SHMT1: variants seen among roughly 807,000 people sequenced by gnomAD.
SHMT1 encodes serine hydroxymethyltransferase, cytosolic.
Under a neutral mutation model 49.0 loss-of-function variants are expected in SHMT1, and 45 were observed. That is an observed-to-expected ratio of 0.92 (90% CI 0.72 to 1.18). The LOEUF (loss-of-function observed/expected upper bound fraction) is 1.18. Among genes scored for constraint, SHMT1 ranks in the 50% most tolerant of loss-of-function variants. The pLI is 0.00. For missense variants in SHMT1, 541 were observed against 612.4 expected, an observed-to-expected ratio of 0.88 and a Z score of 1.23; for synonymous variants, 232 against 246.6, an observed-to-expected ratio of 0.94 and a Z score of 0.55.
intron 1 of SHMT1, among the ~76,000 whole-genome samples, chr17:18,360,758 A>G (rs1986683449): frequency 6.6e-6 from 1 of 152,096 alleles, no homozygotes; most frequent in Non-Finnish European, 1.5e-5. Flanking sequence ...CAAAGGAGAA[A>G]GTGTGACTGG....
At chr17:18,334,044 T>C (rs993543655) in intron 8 of SHMT1, among the ~76,000 whole-genome samples, 12 of 152,156 alleles carry the variant, frequency 7.9e-5, no homozygotes, top group African/African-American at 2.9e-4. Context: ...GTTCAAGCAA[T>C]TCTCCTGCCT....
intron 1 of SHMT1, among the ~76,000 whole-genome samples, chr17:18,356,637 C>A (rs1310630853): frequency 6.6e-6 from 1 of 152,070 alleles, no homozygotes; most frequent in African/African-American, 2.4e-5. Flanking sequence ...CTGGCCGCAG[C>A]ATTATATTGA....
At position 18,340,980 on chromosome 17, in the gene SHMT1, A is replaced by C; in HGVS notation, c.520-167T>G. On this transcript the variant is annotated intron_variant, in intron 5 of 11. Coordinates refer to ENST00000316694, the MANE Select transcript of SHMT1 (RefSeq NM_004169.5). This position sits in a 1 kb window ranked among gnomAD's most constrained non-coding sequence, Gnocchi z 4.5. ...ACTGGTGTGTTCAGCCTGCTCAACC[A>C]AGTATGGCTCACAGACCCAGGAGTC... The C allele has an allele frequency of 1.5e-6, 1 of 657,052 alleles. No homozygotes were observed. Among genetic ancestry groups the C allele is most frequent in the Non-Finnish European group, 2.8e-6 (1 of 359,554 alleles). 40.7% of individuals were successfully genotyped at this position (657,052 alleles called of 1,614,324 possible). A position where few individuals can be genotyped will look rare whatever the true frequency, so the allele number is the denominator to read the frequency against.
chr17:18,348,973 A>G (rs557402773), intron 3 of SHMT1, among the ~76,000 whole-genome samples: 1 of 151,018 alleles, frequency 6.6e-6, no homozygotes, highest in Non-Finnish European at 1.5e-5. Flanking sequence ...CTCAAAAAAA[A>G]AAAAGAAAAG....
intron 7 of SHMT1, among the ~76,000 whole-genome samples, chr17:18,339,614 A>T (rs1020418824): frequency 6.6e-6 from 1 of 151,098 alleles, no homozygotes; most frequent in Non-Finnish European, 1.5e-5. Context: ...AGGCTGGAGT[A>T]CAGTGGCACA....
intron 8 of SHMT1, among the ~76,000 whole-genome samples, chr17:18,333,786 T>G (rs1400416044): frequency 1.3e-5 from 2 of 151,956 alleles, no homozygotes; most frequent in African/African-American, 4.8e-5. Flanking sequence ...TTTTTTATTT[T>G]TATATTTTTT....
chr17:18,329,340 G>C lies in SHMT1; in HGVS notation c.1220C>G (p.Ala407Gly). The C allele has an allele frequency of 6.2e-7, 1 of 1,613,060 alleles. No homozygotes were observed. The stretch of plus-strand genomic sequence containing the variant: ...TTCCAAAAGTCCACGGGACGTCAGT[G>C]CTGGGGTCCCCAGCCGCAGTCCACT... ...RPSGLRLGTP[A>G]LTSRGLLEKD... is the part of the protein sequence containing the mutation. Residue 407 changes from alanine (A) to glycine (G), a missense_variant, in exon 11 of 12, where the codon GCA becomes GGA. Coordinates refer to ENST00000316694, the MANE Select transcript of SHMT1 (RefSeq NM_004169.5).
chr17:18,339,614 A>C (rs1020418824), intron 7 of SHMT1, among the ~76,000 whole-genome samples: 1 of 151,098 alleles, frequency 6.6e-6, no homozygotes, highest in Non-Finnish European at 1.5e-5. Context: ...AGGCTGGAGT[A>C]CAGTGGCACA....
intron 8 of SHMT1, among the ~76,000 whole-genome samples, chr17:18,334,788 G>A (rs1983615471): frequency 6.6e-6 from 1 of 152,180 alleles, no homozygotes; most frequent in Admixed American, 6.5e-5. Flanking sequence ...TGGGGATGGG[G>A]TGATCCCTGC....
chr17:18,329,744 T>C (rs1598009934), intron 10 of SHMT1, among the ~76,000 whole-genome samples: 1 of 152,254 alleles, frequency 6.6e-6, no homozygotes, highest in African/African-American at 2.4e-5. Context: ...ATCTGATGAA[T>C]GTACCACCTC....
At chr17:18,352,292 GC>G (rs1220559858) in intron 3 of SHMT1, among the ~76,000 whole-genome samples, 15 of 151,778 alleles carry the variant, frequency 9.9e-5, no homozygotes, top group African/African-American at 3.6e-4. Context: ...GACTACAGGC[GC>G]CCGCCACCTT....
At chr17:18,358,218 G>A (rs1390256078) in intron 1 of SHMT1, among the ~76,000 whole-genome samples, 8 of 150,616 alleles carry the variant, frequency 5.3e-5, no homozygotes, top group East Asian at 2.0e-4. Context: ...GTGGCTGGGC[G>A]CAGTGGCTCA....
At chr17:18,359,989 T>C (rs550213316) in intron 1 of SHMT1, among the ~76,000 whole-genome samples, 11 of 151,314 alleles carry the variant, frequency 7.3e-5, no homozygotes, top group Non-Finnish European at 1.3e-4. Context: ...GGCTCACACC[T>C]GTAACCCCAG....
intron 3 of SHMT1, among the ~76,000 whole-genome samples, chr17:18,351,319 T>A (rs895018362): frequency 1.3e-5 from 2 of 150,800 alleles, no homozygotes; most frequent in Admixed American, 1.3e-4. Context: ...TTTTTTGTAT[T>A]TTTTTTTAGT....
chr17:18,340,761 C>T lies in SHMT1; in HGVS notation c.572G>A (p.Arg191His), dbSNP rs749495164. ...INYDQLEENA[R>H]LFHPKLIIAG... is the part of the protein sequence containing the mutation. ...GATGATCAGCTTCGGGTGGAAGAGG[C>T]GTGCGTTCTCCTCCAGCTGGTCATA... Residue 191 changes from arginine to histidine, a missense_variant, in exon 6 of 12, where the codon CGC (arginine) becomes CAC (histidine). By Grantham distance (29) the Arg-to-His change is conservative. Coordinates refer to ENST00000316694, the MANE Select transcript of SHMT1 (RefSeq NM_004169.5). The surrounding 1 kb of genome is among the most constrained non-coding windows in gnomAD (Gnocchi z 4.5). The T allele has an allele frequency of 3.4e-5, 55 of 1,613,112 alleles. No homozygotes were observed. Among genetic ancestry groups the T allele is most frequent in the Non-Finnish European group, 4.1e-5 (48 of 1,179,724 alleles).
At chr17:18,335,719 CCT>C (rs769014527) in intron 7 of SHMT1, 44 bp from the exon 8 acceptor site, 10 of 1,393,178 alleles carry the variant, frequency 7.2e-6, no homozygotes, top group South Asian at 4.6e-5. Context: ...GGGGCTGTCC[CCT>C]CTTTTTCTTT....
intron 2 of SHMT1, 144 bp downstream of exon 2, chr17:18,355,741 TG>T: frequency 1.5e-6 from 1 of 682,074 alleles, no homozygotes; most frequent in Admixed American, 2.1e-5. Context: ...TCAAAGGATT[TG>T]TAGCCATTTT....
rs748444788 is a variant in SHMT1, at chr17:18,356,002, T to TA, written c.-19-3dup. On this transcript the variant is annotated splice_region_variant and splice_polypyrimidine_tract_variant and intron_variant, in intron 1 of 11. Transcript: ENST00000316694. Reference sequence around the variant, plus strand: ...GTCATTGCACTGGTTCGAAGCTGCCTAAAAAAATGGGAAAAACATGTGTAG... The same window carrying TA: ...GTCATTGCACTGGTTCGAAGCTGCCTAAAAAAAATGGGAAAAACATGTGTAG... The TA allele has an allele frequency of 1.4e-5, 22 of 1,518,130 alleles. No individual in the cohort carries two copies. The highest frequency in any genetic ancestry group is 3.4e-5 in the Admixed American group (2 of 59,294). The allele number at this position is 1,518,130 out of a possible 1,614,324, so 94.0% of individuals were successfully genotyped here. A position where few individuals can be genotyped will look rare whatever the true frequency, so the allele number is the denominator to read the frequency against.
rs1490463874 is a variant in SHMT1, at chr17:18,362,237, T to TA, written c.-20+1134dup. Among the ~76,000 whole-genome samples the TA allele has an allele frequency of 1.6e-4, 25 of 152,364 alleles. No homozygotes were observed. In the East Asian group the frequency reaches 3.1e-3, roughly 19 times the overall value. On this transcript the variant is annotated intron_variant, in intron 1 of 11. Transcript: ENST00000316694. Reference sequence around the variant, plus strand: ...CCTTGTCCCAGGACATTGCACTAAATAAAAACACAATTACCCACTTCCGTT... The same window carrying TA: ...CCTTGTCCCAGGACATTGCACTAAATAAAAAACACAATTACCCACTTCCGTT...
Sources: allele counts gnomAD v4.1 joint callset (sites outside exome capture counted in the v4.1 genomes callset), GRCh38; gene constraint gnomAD v4.1.1; non-coding constraint Gnocchi (gnomAD v3.1); transcripts MANE v1.5; gene names NCBI Gene and HGNC (gene_info 2026-07-23, HGNC 2026-07-21).